SLC7A8: variants seen among roughly 807,000 people sequenced by gnomAD.
SLC7A8 encodes the protein large neutral amino acids transporter small subunit 2.
A neutral mutation model predicts 51.2 loss-of-function variants in SLC7A8; 30 were observed. The ratio of observed to expected loss-of-function variants is 0.59; its 90% CI spans 0.44 to 0.80. SLC7A8 has a LOEUF of 0.80. Ranked by LOEUF, SLC7A8 falls within the 30% of genes least tolerant of loss-of-function variation. The pLI is 0.00. For missense variants in SLC7A8, 612 were observed against 674.4 expected, an observed-to-expected ratio of 0.91 and a Z score of 1.03; for synonymous variants, 257 against 275.8, an observed-to-expected ratio of 0.93 and a Z score of 0.67.
intron 1 of SLC7A8, among the ~76,000 whole-genome samples, chr14:23,179,550 C>T (rs1361791849): frequency 6.6e-6 from 1 of 151,576 alleles, no homozygotes; most frequent in Non-Finnish European, 1.5e-5. Flanking sequence ...TGGCTCATGC[C>T]TGTAATCCCA....
intron 3 of SLC7A8, chr14:23,155,161 C>T (rs896681394): frequency 8.5e-6 from 13 of 1,535,860 alleles, no homozygotes; most frequent in Non-Finnish European, 1.0e-5. Flanking sequence ...TCTCGAAGCA[C>T]TTACAACGTT....
rs1406765518 is a variant in SLC7A8, at chr14:23,133,484, T to A, written c.1017-1927A>T. On this transcript the variant is annotated intron_variant, in intron 7 of 10. Transcript: ENST00000316902. ...AAAGAGAAAGAAAAAATTGGAAATA[T>A]CGTAAGTGCCTAAAAGTAAGAGGTC... 2.7e-5 allele frequency among the ~76,000 whole-genome samples: 4 copies of A among 148,468 alleles called. No homozygotes were observed. The East Asian group carries it at 7.9e-4, about 29-fold the overall frequency.
intron 1 of SLC7A8, among the ~76,000 whole-genome samples, chr14:23,176,352 C>T (rs1300629146): frequency 1.3e-5 from 2 of 152,198 alleles, no homozygotes; most frequent in East Asian, 3.8e-4. Flanking sequence ...TATCAGACAT[C>T]CGTGGTCTTT....
intron 2 of SLC7A8, among the ~76,000 whole-genome samples, chr14:23,166,048 G>A (rs1223608100): frequency 6.6e-6 from 1 of 152,178 alleles, no homozygotes; most frequent in East Asian, 1.9e-4. Context: ...TATGGTCAGT[G>A]TTGTTACACA....
chr14:23,166,217 C>A (rs2048949237), intron 2 of SLC7A8, 119 bp downstream of exon 2: 2 of 1,011,264 alleles, frequency 2.0e-6, no homozygotes, highest in Admixed American at 2.0e-5. Flanking sequence ...CATTCACTAG[C>A]ACCCCGTGGC....
chr14:23,178,372 G>A (rs1276064590), intron 1 of SLC7A8, among the ~76,000 whole-genome samples: 2 of 152,130 alleles, frequency 1.3e-5, no homozygotes, highest in Non-Finnish European at 2.9e-5. Context: ...AGCCTGATTA[G>A]GTTAGGACAA....
chr14:23,129,403 G>A (rs1222432336), intron 9 of SLC7A8: 1 of 466,556 alleles, frequency 2.1e-6, no homozygotes, highest in Non-Finnish European at 3.8e-6. Flanking sequence ...GGAAACAAAG[G>A]AATGTCATGA....
intron 6 of SLC7A8, among the ~76,000 whole-genome samples, chr14:23,139,129 A>C (rs536301488): frequency 6.6e-6 from 1 of 152,200 alleles, no homozygotes; most frequent in Admixed American, 6.5e-5. Flanking sequence ...GAGTTGGCAA[A>C]CTTTTTCTGT....
At chr14:23,161,294 G>A (rs1276885062) in intron 3 of SLC7A8, among the ~76,000 whole-genome samples, 2 of 151,690 alleles carry the variant, frequency 1.3e-5, no homozygotes, top group African/African-American at 2.4e-5. Flanking sequence ...GCAAACCCTC[G>A]CCACGGGCTT....
intron 1 of SLC7A8, among the ~76,000 whole-genome samples, chr14:23,178,274 C>T (rs1032752590): frequency 9.9e-5 from 15 of 152,198 alleles, no homozygotes; most frequent in African/African-American, 3.4e-4. Flanking sequence ...CACCCTCTTT[C>T]GACTTTGGGG....
intron 6 of SLC7A8, 178 bp from the exon 7 acceptor site, chr14:23,138,202 C>T (rs1263802985): frequency 1.5e-6 from 1 of 659,888 alleles, no homozygotes; most frequent in African/African-American, 1.8e-5. Flanking sequence ...GTGGTTAATG[C>T]ATGTTTTAGG....
At position 23,140,456 on chromosome 14, in the gene SLC7A8, G is replaced by C. The variant is rs1424357709; in HGVS notation, c.788+15C>G. The C allele has an allele frequency of 1.3e-6, 2 of 1,589,422 alleles. No homozygotes were observed. The highest frequency in any genetic ancestry group is 1.3e-5 in the African/African-American group (1 of 74,436). On this transcript the variant is annotated intron_variant, in intron 5 of 10. Coordinates refer to ENST00000316902, the MANE Select transcript of SLC7A8 (RefSeq NM_012244.4). ...CCTTCAAGGGAGAGGGAATAGCCAG[G>C]CTCTTTCAACTCACTTGTAGGGATC...
Position 23,127,182 on chromosome 14 carries a change from G to A in SLC7A8, c.1603C>T (p.Pro535Ser). 1 of 1,614,052 alleles carries A rather than the reference G, an allele frequency of 6.2e-7. No individual in the cohort carries two copies. Among genetic ancestry groups the A allele is most frequent in the Non-Finnish European group, 8.5e-7 (1 of 1,179,940 alleles). The stretch of plus-strand genomic sequence containing the variant: ...TAGCCAGGGAATGGTGGTCCTCAGG[G>A]CTGGGGCTGCCCCGCCACGTCCTTG... The part of the protein sequence containing the change: ...KDKDVAGQPQ[P>S] The change falls in exon 11 of 11, where the codon CCC (proline) becomes TCC (serine). Residue 535 changes from proline to serine, a missense_variant. Pro to Ser is a moderately conservative substitution (Grantham distance 74). Transcript: ENST00000316902.
At chr14:23,151,497 C>T (rs1007410112) in intron 3 of SLC7A8, among the ~76,000 whole-genome samples, 3 of 152,104 alleles carry the variant, frequency 2.0e-5, no homozygotes, top group Non-Finnish European at 4.4e-5. Context: ...TCACTGACAC[C>T]TGTAATCCCA....
intron 3 of SLC7A8, chr14:23,155,180 C>T: frequency 6.5e-7 from 1 of 1,535,998 alleles, no homozygotes; most frequent in Middle Eastern, 1.7e-4. Flanking sequence ...TTTTAGAAAT[C>T]TCGGAACCCC....
chr14:23,135,839 G>A (rs537430061), intron 7 of SLC7A8, among the ~76,000 whole-genome samples: 1 of 152,278 alleles, frequency 6.6e-6, no homozygotes, highest in South Asian at 2.1e-4. Flanking sequence ...AACATCATCT[G>A]TAGCTTGAAA....
At chr14:23,146,577 A>C (rs2048795970) in intron 3 of SLC7A8, among the ~76,000 whole-genome samples, 1 of 152,186 alleles carries the variant, frequency 6.6e-6, no homozygotes, top group Admixed American at 6.5e-5. Flanking sequence ...CCTTATCTCC[A>C]TCACTTCCCA....
intron 3 of SLC7A8, among the ~76,000 whole-genome samples, chr14:23,157,944 G>C (rs1594834944): frequency 6.6e-6 from 1 of 152,270 alleles, no homozygotes; most frequent in South Asian, 2.1e-4. Context: ...GTATCCCCAT[G>C]CCTGCCACAG....
intron 1 of SLC7A8, among the ~76,000 whole-genome samples, chr14:23,175,633 C>T (rs2048995826): frequency 6.6e-6 from 1 of 152,222 alleles, no homozygotes; most frequent in African/African-American, 2.4e-5. Context: ...GCTAGTCAGT[C>T]ATTCTGCGTA....
Sources: gnomAD v4.1 joint callset for allele counts (sites outside exome capture counted in the v4.1 genomes callset) on GRCh38, gnomAD v4.1.1 for gene constraint, MANE v1.5 for transcripts, NCBI Gene and HGNC (gene_info 2026-07-23, HGNC 2026-07-21) for gene names.